Variants in SLC12A2 observed in about 807,000 individuals in gnomAD.
SLC12A2 encodes the protein Na-K-2Cl cotransporter 1.
A neutral mutation model predicts 136.3 loss-of-function variants in SLC12A2; 67 were observed. The observed-to-expected ratio is 0.49, with a 90% confidence interval of 0.40 to 0.60. SLC12A2 has a LOEUF of 0.60. Among genes scored for constraint, SLC12A2 ranks in the 20% least tolerant of loss-of-function variants. The probability of loss-of-function intolerance (pLI) is 0.00; values close to 1 mark genes in which losing one functional copy is unlikely to be tolerated. For missense variants in SLC12A2, 1,322 were observed against 1,534.7 expected (o/e 0.86, Z 2.32); for synonymous variants, 619 against 562.9 (o/e 1.10, Z -1.41).
rs753452575 is a variant in SLC12A2, at chr5:128,149,978, G to T, written c.2006-19G>T. On this transcript the variant is annotated intron_variant, in intron 12 of 26. Coordinates refer to ENST00000262461, the MANE Select transcript of SLC12A2 (RefSeq NM_001046.3). ...AATGTCTAATACGTCAGTAAATCTCGCATGTGTTTGTTCTGCAGCTGAACT... is the reference window on the plus strand; with the variant it reads ...AATGTCTAATACGTCAGTAAATCTCTCATGTGTTTGTTCTGCAGCTGAACT... 5 of 1,531,610 alleles carry T rather than the reference G, an allele frequency of 3.3e-6. No homozygotes were observed. Among genetic ancestry groups the T allele is most frequent in the Admixed American group, 3.4e-5 (2 of 59,582 alleles). 94.9% of individuals were successfully genotyped at this position (1,531,610 alleles called of 1,614,324 possible). A position where few individuals can be genotyped will look rare whatever the true frequency, so the allele number is the denominator to read the frequency against.
chr5:128,105,280 C>T (rs892764245), intron 1 of SLC12A2, among the ~76,000 whole-genome samples: 3 of 152,180 alleles, frequency 2.0e-5, no homozygotes, highest in African/African-American at 7.2e-5. Context: ...AACACATATA[C>T]ACGATGTTTA....
At chr5:128,108,543 A>G (rs1033561907) in intron 1 of SLC12A2, among the ~76,000 whole-genome samples, 3 of 152,260 alleles carry the variant, frequency 2.0e-5, no homozygotes, top group African/African-American at 4.8e-5. Context: ...GAAGCCACAC[A>G]TAAAGCCCAC....
At chr5:128,171,563 C>A in intron 18 of SLC12A2, 104 bp from the exon 19 acceptor site, 2 of 725,592 alleles carry the variant, frequency 2.8e-6, no homozygotes, top group South Asian at 1.7e-5. Context: ...CGTTTAAAGC[C>A]GAAAGTAATT....
intron 4 of SLC12A2, among the ~76,000 whole-genome samples, chr5:128,117,077 C>A (rs1190238278): frequency 6.6e-6 from 1 of 152,182 alleles, no homozygotes; most frequent in East Asian, 1.9e-4. Context: ...AATAAATGAC[C>A]AGCTCAGTGG....
At position 128,084,097 on chromosome 5, in the gene SLC12A2, C is replaced by T; in HGVS notation, c.143C>T (p.Pro48Leu). The T allele has an allele frequency of 2.1e-5, 27 of 1,314,848 alleles. No individual in the cohort carries two copies. The highest frequency in any genetic ancestry group is 2.6e-5 in the Non-Finnish European group (27 of 1,036,102). The allele number at this position is 1,314,848 out of a possible 1,614,324, so 81.4% of individuals were successfully genotyped here. A position where few individuals can be genotyped will look rare whatever the true frequency, so the allele number is the denominator to read the frequency against. The change falls in exon 1 of 27, where the codon CCC (proline) becomes CTC (leucine). Residue 48 changes from proline to leucine, a missense_variant. By Grantham distance (98) the Pro-to-Leu change is moderately conservative. Transcript: ENST00000262461. The surrounding 1 kb of genome is among the most constrained non-coding windows in gnomAD (Gnocchi z 5.6). Reference protein sequence around the residue: ...AVPSVPEDAAPASRDGGGVRD... With the variant: ...AVPSVPEDAALASRDGGGVRD... ...CCCTCGGTGCCGGAGGATGCTGCGC[C>T]CGCGAGCCGGGACGGCGGCGGGGTC...
intron 19 of SLC12A2, among the ~76,000 whole-genome samples, chr5:128,172,597 A>C (rs1017944530): frequency 2.6e-5 from 4 of 152,246 alleles, no homozygotes; most frequent in African/African-American, 4.8e-5. Context: ...TATAGTGTGT[A>C]ACTTTTAAAG....
chr5:128,132,355 G>T (rs1471866223), intron 5 of SLC12A2, among the ~76,000 whole-genome samples: 1 of 152,112 alleles, frequency 6.6e-6, no homozygotes, highest in African/African-American at 2.4e-5. Context: ...TGAAGGATTG[G>T]ATTTGATAAT....
chr5:128,167,748 C>T lies in SLC12A2; in HGVS notation c.2617-13C>T. The T allele has an allele frequency of 6.5e-7, 1 of 1,535,280 alleles. No homozygotes were observed. The highest frequency in any genetic ancestry group is 8.9e-7 in the Non-Finnish European group (1 of 1,119,352). ...TAATATATCTGTAAAGTTATATTGA[C>T]CCTATATTTTAGGCTGCTGGTCTTG... On this transcript the variant is annotated splice_polypyrimidine_tract_variant and intron_variant, in intron 17 of 26. Transcript: ENST00000262461.
intron 10 of SLC12A2, among the ~76,000 whole-genome samples, chr5:128,146,110 T>G (rs1762520379): frequency 6.6e-6 from 1 of 151,908 alleles, no homozygotes; most frequent in Non-Finnish European, 1.5e-5. Flanking sequence ...TATTTTACCC[T>G]ATTTGCTTTG....
chr5:128,102,841 T>C (rs922045762), intron 1 of SLC12A2, among the ~76,000 whole-genome samples: 4 of 151,848 alleles, frequency 2.6e-5, no homozygotes, highest in Non-Finnish European at 2.9e-5. Flanking sequence ...AAGCTGGTAT[T>C]GAACTCCTGA....
intron 17 of SLC12A2, among the ~76,000 whole-genome samples, chr5:128,163,581 C>T (rs1001598572): frequency 1.3e-5 from 2 of 151,540 alleles, no homozygotes; most frequent in African/African-American, 2.4e-5. Flanking sequence ...GAAAAAGAAT[C>T]GGAAGTAACA....
At chr5:128,111,055 ATTTT>A in intron 1 of SLC12A2, 1 of 633,800 alleles carries the variant, frequency 1.6e-6, no homozygotes, top group Non-Finnish European at 2.9e-6. Context: ...ACTAAAAAGA[ATTTT>A]TTTAAGTATT....
Position 128,103,282 on chromosome 5 carries a change from G to A in SLC12A2, c.757-9532G>A, listed in dbSNP as rs372745502. ...TCGTCTTCTCAGACAGTATGGAGTG[G>A]ATAATATCCCCATTTCGCATATGTC... On this transcript the variant is annotated intron_variant, in intron 1 of 26. Transcript: ENST00000262461. 2.2e-4 allele frequency among the ~76,000 whole-genome samples: 33 copies of A among 152,270 alleles called. No individual in the cohort carries two copies. In the South Asian group the frequency reaches 6.9e-3, roughly 32 times the overall value.
rs889008559 is a variant in SLC12A2 at position 128,182,909 on chromosome 5, A to G, written c.3267A>G (p.Leu1089=). Residue 1089 remains leucine, a synonymous_variant, in exon 24 of 27, where the codon CTA becomes CTG. Transcript: ENST00000262461. ...FRIDFSDIMV[L]GDINTKPKKE... ...TAGACTTTTCTGATATCATGGTTCT[A>G]GGAGATATCAATACCAAACCAAAGA... 4.3e-6 allele frequency: 7 copies of G among 1,610,504 alleles called. No homozygotes were observed. The highest frequency in any genetic ancestry group is 5.9e-6 in the Non-Finnish European group (7 of 1,177,810).
intron 10 of SLC12A2, among the ~76,000 whole-genome samples, chr5:128,147,382 A>G (rs1327200992): frequency 1.3e-5 from 2 of 151,518 alleles, no homozygotes. Flanking sequence ...AGTTCATTAC[A>G]CTCTTCTCTC....
intron 1 of SLC12A2, among the ~76,000 whole-genome samples, chr5:128,107,554 G>A (rs1373243554): frequency 6.6e-6 from 1 of 152,142 alleles, no homozygotes. Context: ...TTGGTTTTCT[G>A]TTCTTGTGAT....
chr5:128,137,105 A>G (rs1013221104), intron 7 of SLC12A2, among the ~76,000 whole-genome samples: 7 of 152,114 alleles, frequency 4.6e-5, no homozygotes, highest in African/African-American at 1.4e-4. Context: ...CTTTCAGTCC[A>G]TTGTCCACAC....
chr5:128,097,117 C>T (rs1203600656), intron 1 of SLC12A2, among the ~76,000 whole-genome samples: 1 of 151,988 alleles, frequency 6.6e-6, no homozygotes, highest in Non-Finnish European at 1.5e-5. Context: ...TGAGGATTAA[C>T]CTTTTTGAAA....
chr5:128,109,087 A>G (rs558849523), intron 1 of SLC12A2, among the ~76,000 whole-genome samples: 1 of 152,404 alleles, frequency 6.6e-6, no homozygotes, highest in African/African-American at 2.4e-5. Context: ...TGTATTTCAC[A>G]TAGCTGAGGT....
Sources: gnomAD v4.1 joint callset for allele counts (sites outside exome capture counted in the v4.1 genomes callset) on GRCh38, gnomAD v4.1.1 for gene constraint, Gnocchi (gnomAD v3.1) non-coding constraint, MANE v1.5 for transcripts, NCBI Gene and HGNC (gene_info 2026-07-23, HGNC 2026-07-21) for gene names.